Variants in TEAD3 observed in about 807,000 individuals in gnomAD.
The protein encoded by TEAD3 is TEA domain transcription factor 3.
A neutral mutation model predicts 55.6 loss-of-function variants in TEAD3; 15 were observed. The ratio of observed to expected loss-of-function variants is 0.27; its 90% CI spans 0.18 to 0.42. TEAD3 has a LOEUF of 0.42. TEAD3 is among the 10% of genes least tolerant of loss of function. The pLI is 1.00. For synonymous variants in TEAD3, 210 were observed against 232.2 expected (o/e 0.90, Z 0.87); for missense variants, 407 against 576.8 (o/e 0.71, Z 3.01).
exon 9 of TEAD3, chr6:35,476,353 C>A: frequency 6.2e-7 from 1 of 1,612,720 alleles, no homozygotes. Flanking sequence ...CCAGGAGCCG[C>A]AGCCGGGAGG....
At chr6:35,473,804 A>G (rs765320211), downstream of TEAD3, 26 of 152,446 alleles carry the variant, frequency 1.7e-4, no homozygotes, top group Non-Finnish European at 3.2e-4. Flanking sequence ...AGCGATATGC[A>G]AACAGTGAGG....
rs566928745 is a variant in TEAD3, at chr6:35,488,281, G to A, written c.-49-1570C>T. The stretch of plus-strand genomic sequence containing the variant: ...CACCAACACGCCCGCCCCCGCCCTG[G>A]CCCATCCTACATGTGGGCCAGGGCT... On this transcript the variant is annotated intron_variant, in intron 1 of 12. Transcript: ENST00000639578. This position sits in a 1 kb window ranked among gnomAD's most constrained non-coding sequence, Gnocchi z 4.2. 2.2e-4 allele frequency among the ~76,000 whole-genome samples: 34 copies of A among 152,112 alleles called. No homozygotes were observed. In the South Asian group the frequency reaches 5.2e-3, roughly 23 times the overall value.
At position 35,478,374 on chromosome 6, in the gene TEAD3, A is replaced by G. The variant is rs570431551; in HGVS notation, c.481-50T>C. 1.2e-5 allele frequency: 19 copies of G among 1,613,666 alleles called. No homozygotes were observed. In the South Asian group the frequency reaches 2.0e-4, roughly 17 times the overall value. The stretch of plus-strand genomic sequence containing the variant: ...GGGCCCCTCAGCATCCATGAACCCC[A>G]CTAAAGCTCATCCTTTACAGCACAC... On this transcript the variant is annotated intron_variant, in intron 6 of 12. Coordinates refer to ENST00000639578, the Ensembl canonical transcript of TEAD3.
intron 3 of TEAD3, 59 bp downstream of exon 4, chr6:35,480,253 T>G (rs193083428): frequency 1.3e-6 from 2 of 1,590,108 alleles, no homozygotes; most frequent in Non-Finnish European, 1.7e-6. Context: ...TATGCAGAGA[T>G]AGCGCCGTGG....
At chr6:35,495,607 T>C (rs1369000623) in intron 1 of TEAD3, among the ~76,000 whole-genome samples, 1 of 151,636 alleles carries the variant, frequency 6.6e-6, no homozygotes, top group Non-Finnish European at 1.5e-5. Flanking sequence ...CTTTAGGGAG[T>C]GCCCCTACGA....
At chr6:35,493,091 G>A (rs1335955765) in intron 1 of TEAD3, among the ~76,000 whole-genome samples, 1 of 152,120 alleles carries the variant, frequency 6.6e-6, no homozygotes, top group Non-Finnish European at 1.5e-5. Context: ...GGTTTCCTCT[G>A]CGCCCTTCCT....
Position 35,485,904 on chromosome 6 carries a change from C to G in TEAD3, c.202+557G>C, listed in dbSNP as rs1056761693. Among the ~76,000 whole-genome samples the G allele has an allele frequency of 2.0e-5, 3 of 152,198 alleles. No individual in the cohort carries two copies. The highest frequency in any genetic ancestry group is 7.2e-5 in the African/African-American group (3 of 41,466). On this transcript the variant is annotated intron_variant, in intron 2 of 12. Coordinates refer to ENST00000639578, the Ensembl canonical transcript of TEAD3. This position sits in a 1 kb window ranked among gnomAD's most constrained non-coding sequence, Gnocchi z 4.3. ...CAGCTCTGGGAGAGCCCTCTCAGGG[C>G]TGGACAAGAGGGGACACTCCCTTCT... is the stretch of plus-strand genomic sequence containing the variant.
intron 1 of TEAD3, among the ~76,000 whole-genome samples, chr6:35,490,898 A>G (rs1362985655): frequency 6.6e-6 from 1 of 152,058 alleles, no homozygotes; most frequent in African/African-American, 2.4e-5. Flanking sequence ...CTGCTGGCTG[A>G]TGATGCCCAG....
chr6:35,482,955 G>A (rs1346178082), intron 3 of TEAD3, among the ~76,000 whole-genome samples: 1 of 152,152 alleles, frequency 6.6e-6, no homozygotes, highest in African/African-American at 2.4e-5. Flanking sequence ...CTTCTGCAGC[G>A]CTTACGCTGT....
Position 35,483,875 on chromosome 6 carries a change from A to G in TEAD3, c.267+685T>C, listed in dbSNP as rs548824685. On this transcript the variant is annotated intron_variant, in intron 3 of 12. Transcript: ENST00000639578. This position sits in a 1 kb window ranked among gnomAD's most constrained non-coding sequence, Gnocchi z 4.5. Reference sequence around the variant, plus strand: ...CTTCCCTATGCATCAGTTTCCTCATAGTAAAAAAGACAATTACTGTACCTA... The same window carrying G: ...CTTCCCTATGCATCAGTTTCCTCATGGTAAAAAAGACAATTACTGTACCTA... Among the ~76,000 whole-genome samples, 9 of 152,190 alleles carry G rather than the reference A, an allele frequency of 5.9e-5. No individual in the cohort carries two copies. The highest frequency in any genetic ancestry group is 2.2e-4 in the African/African-American group (9 of 41,496).
At chr6:35,493,327 C>CGT (rs1561809038) in intron 1 of TEAD3, among the ~76,000 whole-genome samples, 3 of 151,934 alleles carry the variant, frequency 2.0e-5, no homozygotes, top group East Asian at 1.9e-4. Flanking sequence ...AGATGCCACA[C>CGT]GTCAGGGACC....
Position 35,475,377 on chromosome 6 carries a change from A to G in TEAD3, c.1153T>C (p.Tyr385His). Reference sequence around the variant, plus strand: ...TTCTCCAGCACGCTGTTCATCATGTACTTCTCGGGCAGGTGCTTCAGCTTG... The same window carrying G: ...TTCTCCAGCACGCTGTTCATCATGTGCTTCTCGGGCAGGTGCTTCAGCTTG... Residue 385 changes from tyrosine (Y) to histidine (H), a missense_variant, in exon 12 of 13, where the codon TAC becomes CAC. Coordinates refer to ENST00000639578, the Ensembl canonical transcript of TEAD3. The surrounding 1 kb of genome is among the most constrained non-coding windows in gnomAD (Gnocchi z 5.4). 2 of 1,613,916 alleles carry G rather than the reference A, an allele frequency of 1.2e-6. No homozygotes were observed. Among genetic ancestry groups the G allele is most frequent in the South Asian group, 1.1e-5 (1 of 91,056 alleles).
chr6:35,475,759 C>A lies in TEAD3; in HGVS notation c.901-53G>T. 6.5e-7 allele frequency: 1 copy of A among 1,528,128 alleles called. No homozygotes were observed. The highest frequency in any genetic ancestry group is 8.8e-7 in the Non-Finnish European group (1 of 1,138,808). 94.7% of individuals were successfully genotyped at this position (1,528,128 alleles called of 1,614,324 possible). On this transcript the variant is annotated intron_variant, in intron 10 of 12. Transcript: ENST00000639578. The surrounding 1 kb of genome is among the most constrained non-coding windows in gnomAD (Gnocchi z 5.4). ...TGCTGGCAGAGACCAGAAGTATTCC[C>A]GCCACACCACATCAGAGTCCTGCCC...
Position 35,486,574 on chromosome 6 carries a change from T to C in TEAD3, c.89A>G (p.Asp30Gly). 1.9e-6 allele frequency: 3 copies of C among 1,613,570 alleles called. No homozygotes were observed. Among genetic ancestry groups the C allele is most frequent in the Non-Finnish European group, 2.5e-6 (3 of 1,179,784 alleles). Residue 30 changes from aspartate to glycine, a missense_variant, in exon 2 of 13, where the codon GAT becomes GGT. Coordinates refer to ENST00000639578, the Ensembl canonical transcript of TEAD3. This position sits in a 1 kb window ranked among gnomAD's most constrained non-coding sequence, Gnocchi z 7.3. Reference sequence around the variant, plus strand: ...GTCCGGGCTCCACACGCCCTCCGCATCGTTGTCCAGCCCCTTGTCCAGGCC... The same window carrying C: ...GTCCGGGCTCCACACGCCCTCCGCACCGTTGTCCAGCCCCTTGTCCAGGCC...
At chr6:35,492,662 C>G (rs1325219897) in intron 1 of TEAD3, among the ~76,000 whole-genome samples, 1 of 146,648 alleles carries the variant, frequency 6.8e-6, no homozygotes, top group Non-Finnish European at 1.5e-5. Flanking sequence ...GATTCTCTGC[C>G]CCTCCTCCCC....
chr6:35,479,462 TC>T, intron 4 of TEAD3, 146 bp from the exon 5 acceptor site: 1 of 1,016,352 alleles, frequency 9.8e-7, no homozygotes, highest in Non-Finnish European at 1.5e-6. Flanking sequence ...ACCCTCCCCG[TC>T]CCCACAGAGG....
In TEAD3 at chr6:35,483,440, A is replaced by G. The variant is rs1364073275; in HGVS notation, c.267+1120T>C. ...GGCAGTGGGGCCATCACTCCCATCC[A>G]CTCCCCTTCAGGTTTCTGTCACTAC... On this transcript the variant is annotated intron_variant, in intron 3 of 12. Transcript: ENST00000639578. This position sits in a 1 kb window ranked among gnomAD's most constrained non-coding sequence, Gnocchi z 4.5. Among the ~76,000 whole-genome samples, 2 of 151,590 alleles carry G rather than the reference A, an allele frequency of 1.3e-5. No individual in the cohort carries two copies. The highest frequency in any genetic ancestry group is 3.9e-4 in the East Asian group (2 of 5,186).
intron 3 of TEAD3, among the ~76,000 whole-genome samples, chr6:35,481,412 G>A (rs756484828): frequency 7.2e-5 from 11 of 152,234 alleles, no homozygotes; most frequent in Non-Finnish European, 1.0e-4. Flanking sequence ...AAGAAAGCTC[G>A]TTTTTCTCTT....
chr6:35,476,299 T>C lies in TEAD3; in HGVS notation c.726+3A>G, dbSNP rs747238672. On this transcript the variant is annotated splice_donor_region_variant and intron_variant, in intron 9 of 12. Transcript: ENST00000639578. ...GCCTCACCCTCACCCCCAAACACGTTACCGTGTCAGGGTCTCGCTGCACCT... is the reference window on the plus strand; with the variant it reads ...GCCTCACCCTCACCCCCAAACACGTCACCGTGTCAGGGTCTCGCTGCACCT... 1 of 1,611,682 alleles carries C rather than the reference T, an allele frequency of 6.2e-7. No individual in the cohort carries two copies.
Sources: allele counts gnomAD v4.1 joint callset (sites outside exome capture counted in the v4.1 genomes callset), GRCh38; gene constraint gnomAD v4.1.1; non-coding constraint Gnocchi (gnomAD v3.1); transcripts MANE v1.5; gene names NCBI Gene and HGNC (gene_info 2026-07-23, HGNC 2026-07-21).